Variants in CHD2 observed in about 807,000 individuals in gnomAD.
CHD2 encodes the protein chromodomain helicase DNA binding protein 2.
Under a neutral mutation model 243.9 loss-of-function variants are expected in CHD2, and 28 were observed. That is an observed-to-expected ratio of 0.11 (90% CI 0.09 to 0.16). The LOEUF (loss-of-function observed/expected upper bound fraction) is 0.16. Among genes scored for constraint, CHD2 ranks in the 10% least tolerant of loss-of-function variants. The pLI is 1.00. For missense variants in CHD2, 1,386 were observed against 2,209.8 expected (o/e 0.63, Z 7.47); for synonymous variants, 775 against 779.0 (o/e 0.99, Z 0.09).
intron 2 of CHD2, chr15:92,902,456 T>G: frequency 3.1e-6 from 1 of 320,218 alleles, no homozygotes; most frequent in Non-Finnish European, 5.6e-6. Flanking sequence ...TTTTCTAATT[T>G]TTATAAATAA....
chr15:92,914,381 C>G (rs2052795907), intron 2 of CHD2, among the ~76,000 whole-genome samples: 1 of 152,170 alleles, frequency 6.6e-6, no homozygotes, highest in South Asian at 2.1e-4. Flanking sequence ...TGTGAAGTGC[C>G]TTAACTAATT....
At chr15:92,901,135 C>T (rs904529921) in intron 1 of CHD2, 32 bp from the exon 2 acceptor site, 32 of 715,498 alleles carry the variant, frequency 4.5e-5, no homozygotes, top group Non-Finnish European at 7.3e-5. Context: ...CGATAGAAGC[C>T]GGGACCTTAC....
intron 2 of CHD2, chr15:92,902,603 A>C (rs1013948948): frequency 6.5e-6 from 1 of 154,342 alleles, no homozygotes; most frequent in Non-Finnish European, 1.4e-5. Flanking sequence ...ATTTTTTTGC[A>C]TTGAGTTGTC....
At position 92,995,861 on chromosome 15, in the gene CHD2, A is replaced by G. The variant is rs77360196; in HGVS notation, c.3596-1096A>G. 5.1e-3 allele frequency among the ~76,000 whole-genome samples: 775 copies of G among 152,286 alleles called. 8 individuals carry two copies. The highest frequency in any genetic ancestry group is 0.018 in the African/African-American group (733 of 41,556). ...CCTTCTGCATAAGTCTGGTGCCACA[A>G]TGTTTGTCACAAGCCTCACAAACAG... On this transcript the variant is annotated intron_variant, in intron 28 of 38. Transcript: ENST00000394196.
chr15:93,000,116 G>A (rs2054235052), intron 31 of CHD2, among the ~76,000 whole-genome samples: 2 of 152,094 alleles, frequency 1.3e-5, no homozygotes, highest in Non-Finnish European at 2.9e-5. Flanking sequence ...CAAAAAATTA[G>A]CCAGTGGTGG....
chr15:93,020,677 A>G (rs72765615), intron 38 of CHD2: 35,685 of 275,108 alleles, frequency 0.13, 2,522 homozygotes, highest in Middle Eastern at 0.19. Context: ...TCTTTACTTC[A>G]GTACAATGCC....
At chr15:92,961,609 G>C (rs2141822877) in intron 16 of CHD2, among the ~76,000 whole-genome samples, 1 of 151,922 alleles carries the variant, frequency 6.6e-6, no homozygotes, top group South Asian at 2.1e-4. Context: ...ATGGGTTCTT[G>C]CTGAGTTGTC....
intron 16 of CHD2, among the ~76,000 whole-genome samples, chr15:92,959,324 G>C (rs1047624326): frequency 6.6e-6 from 1 of 152,172 alleles, no homozygotes; most frequent in South Asian, 2.1e-4. Flanking sequence ...TTGTTGAAAA[G>C]AATATCTGTT....
At chr15:93,001,686 T>C (rs1238332453) in intron 32 of CHD2, among the ~76,000 whole-genome samples, 1 of 151,978 alleles carries the variant, frequency 6.6e-6, no homozygotes, top group Admixed American at 6.6e-5. Context: ...CTGGCTAGTT[T>C]TTGTATTTTT....
chr15:93,014,979 C>T (rs1447718375), intron 37 of CHD2, 70 bp downstream of exon 37: 2 of 1,245,432 alleles, frequency 1.6e-6, no homozygotes, highest in East Asian at 4.7e-5. Flanking sequence ...GTTTCATTTT[C>T]CAAAGACACT....
chr15:92,956,922 C>T (rs751398756), intron 16 of CHD2, among the ~76,000 whole-genome samples: 16 of 152,142 alleles, frequency 1.1e-4, no homozygotes, highest in Non-Finnish European at 2.2e-4. Context: ...TAACATCAGA[C>T]CTTTTCACTG....
intron 25 of CHD2, among the ~76,000 whole-genome samples, chr15:92,985,139 C>A (rs1315029040): frequency 6.6e-6 from 1 of 152,056 alleles, no homozygotes; most frequent in East Asian, 1.9e-4. Context: ...TTACTGAAAA[C>A]CATCTGTTAT....
chr15:93,003,143 G>T (rs1434433215), intron 33 of CHD2, among the ~76,000 whole-genome samples: 1 of 152,096 alleles, frequency 6.6e-6, no homozygotes, highest in Non-Finnish European at 1.5e-5. Flanking sequence ...AATCTAGCTG[G>T]GCATTGCGGC....
intron 5 of CHD2, among the ~76,000 whole-genome samples, chr15:92,932,097 C>T (rs879577317): frequency 7.2e-5 from 11 of 152,126 alleles, no homozygotes; most frequent in East Asian, 1.9e-4. Flanking sequence ...CTCTTGACCT[C>T]GTTATCAGCC....
intron 38 of CHD2, among the ~76,000 whole-genome samples, chr15:93,024,083 G>T (rs1044211913): frequency 2.0e-5 from 3 of 152,042 alleles, no homozygotes; most frequent in African/African-American, 7.3e-5. Flanking sequence ...CAGGAATATG[G>T]TAATGTTTAT....
chr15:92,975,022 T>G, intron 20 of CHD2, 72 bp downstream of exon 20: 1 of 1,240,696 alleles, frequency 8.1e-7, no homozygotes. Context: ...TCTCGCTTAA[T>G]GTATTCTGTT....
chr15:93,010,410 ATTTT>A (rs34163529), intron 35 of CHD2, among the ~76,000 whole-genome samples: 3,683 of 142,990 alleles, frequency 0.026, 84 homozygotes, highest in Admixed American at 0.081. Flanking sequence ...ATGACTGGAA[ATTTT>A]TTTTTTTTTT....
chr15:92,997,423 T>G lies in CHD2; in HGVS notation c.3885+20T>G. 2.6e-6 allele frequency: 4 copies of G among 1,525,292 alleles called. No homozygotes were observed. Among genetic ancestry groups the G allele is most frequent in the Non-Finnish European group, 3.5e-6 (4 of 1,140,274 alleles). 94.5% of individuals were successfully genotyped at this position (1,525,292 alleles called of 1,614,324 possible). ...GACAAAGTAAGTAACCCTACCATGC[T>G]AGAGATTTCTAGAAGATTTGTTGTG... On this transcript the variant is annotated intron_variant, in intron 30 of 38. Coordinates refer to ENST00000394196, the MANE Select transcript of CHD2 (RefSeq NM_001271.4). This position sits in a 1 kb window ranked among gnomAD's most constrained non-coding sequence, Gnocchi z 4.1.
At chr15:92,991,440 T>G in intron 26 of CHD2, 36 bp from the exon 27 acceptor site, 1 of 1,497,938 alleles carries the variant, frequency 6.7e-7, no homozygotes. Context: ...AGTAAGTCTC[T>G]GTTTTTTTAA....
Sources: allele counts gnomAD v4.1 joint callset (sites outside exome capture counted in the v4.1 genomes callset), GRCh38; gene constraint gnomAD v4.1.1; non-coding constraint Gnocchi (gnomAD v3.1); transcripts MANE v1.5; gene names NCBI Gene and HGNC (gene_info 2026-07-23, HGNC 2026-07-21).